ZBBX: variants seen among roughly 807,000 people sequenced by gnomAD.
ZBBX encodes zinc finger B-box domain containing, also known as zinc finger B-box domain-containing protein 1.
ZBBX carries 101 observed loss-of-function variants against 108.5 expected under a neutral mutation model. The observed-to-expected ratio is 0.93, with a 90% confidence interval of 0.79 to 1.10. ZBBX has a LOEUF of 1.10. ZBBX is among the 50% of genes least tolerant of loss of function. The probability of loss-of-function intolerance (pLI) is 0.00; values close to 1 mark genes in which losing one functional copy is unlikely to be tolerated. For missense variants in ZBBX, 1,009 were observed against 941.4 expected, an observed-to-expected ratio of 1.07 and a Z score of -0.94; for synonymous variants, 356 against 323.4, an observed-to-expected ratio of 1.10 and a Z score of -1.08.
At chr3:167,356,672 T>C (rs574282322) in intron 8 of ZBBX, among the ~76,000 whole-genome samples, 63 of 152,284 alleles carry the variant, frequency 4.1e-4, no homozygotes, top group African/African-American at 1.5e-3. Context: ...AAATAATTCA[T>C]TCATTAAATA....
chr3:167,328,988 T>C (rs1363685656), intron 10 of ZBBX, among the ~76,000 whole-genome samples: 2 of 152,220 alleles, frequency 1.3e-5, no homozygotes, highest in African/African-American at 4.8e-5. Context: ...GTTGTGGATT[T>C]TGTCTTTTTT....
Position 167,333,929 on chromosome 3 carries a change from A to G in ZBBX, c.585T>C (p.Asp195=), listed in dbSNP as rs760414818. 6.2e-7 allele frequency: 1 copy of G among 1,611,278 alleles called. No homozygotes were observed. The highest frequency in any genetic ancestry group is 8.5e-7 in the Non-Finnish European group (1 of 1,178,600). The stretch of plus-strand genomic sequence containing the variant: ...CCTCTTTGGGTTCATCTGGATTAAC[A>G]TCCTTTATAAACTGATGGGCAACAT... The part of the protein sequence containing the change: ...VLDVAHQFIK[D]VNPDEPKEEN... Residue 195 remains aspartate, a synonymous_variant, in exon 10 of 22, where the codon GAT becomes GAC. Coordinates refer to ENST00000675490, the MANE Select transcript of ZBBX (RefSeq NM_001199201.2).
intron 11 of ZBBX, among the ~76,000 whole-genome samples, chr3:167,327,091 G>T (rs1203577253): frequency 6.7e-6 from 1 of 150,172 alleles, no homozygotes; most frequent in Non-Finnish European, 1.5e-5. Flanking sequence ...TCAACATACT[G>T]TTCAGTCATC....
At chr3:167,289,033 C>T (rs1730202224) in intron 18 of ZBBX, 50 bp from the exon 19 acceptor site, 1 of 1,340,714 alleles carries the variant, frequency 7.5e-7, no homozygotes, top group Non-Finnish European at 1.0e-6. Context: ...AGAAGAAAAT[C>T]CATTTTATTA....
Position 167,242,532 on chromosome 3 carries a change from C to T in ZBBX, c.2366G>A (p.Arg789Lys). 1 of 1,612,678 alleles carries T rather than the reference C, an allele frequency of 6.2e-7. No individual in the cohort carries two copies. The highest frequency in any genetic ancestry group is 8.5e-7 in the Non-Finnish European group (1 of 1,179,358). ...CAATTCCTCAACTCCACAGGGACCC[C>T]TCACATGTGAGGTCTTAAGGAAATC... Reference protein sequence around the residue: ...STDFLKTSHVRGPCGVEELSC... With the variant: ...STDFLKTSHVKGPCGVEELSC... The change falls in exon 21 of 22, where the codon AGG becomes AAG. Residue 789 changes from arginine (R) to lysine (K), a missense_variant. Coordinates refer to ENST00000675490, the MANE Select transcript of ZBBX (RefSeq NM_001199201.2).
In ZBBX at chr3:167,295,765, AAC is replaced by A. The variant is rs1270441884; in HGVS notation, c.1879+2538_1879+2539del. Among the ~76,000 whole-genome samples the A allele has an allele frequency of 2.2e-4, 24 of 107,566 alleles. 2 individuals carry two copies. The highest frequency in any genetic ancestry group is 1.2e-3 in the East Asian group (4 of 3,246). The allele number at this position is 107,566 out of a possible 152,430, so 70.6% of individuals were successfully genotyped here. ...TATATATATATATATATATAAAAAA[AAC>A]TAGTAAGGAGATTAAATCTGTTAAC... is the stretch of plus-strand genomic sequence containing the variant. On this transcript the variant is annotated intron_variant, in intron 18 of 21. Coordinates refer to ENST00000675490, the MANE Select transcript of ZBBX (RefSeq NM_001199201.2).
the ZBBX span, among the ~76,000 whole-genome samples, chr3:167,217,332 G>C: frequency 6.6e-6 from 1 of 152,052 alleles, no homozygotes; most frequent in Non-Finnish European, 1.5e-5. Context: ...CTCAAAGGAA[G>C]ACATACATGA....
chr3:167,188,297 TA>T, the ZBBX span, among the ~76,000 whole-genome samples: 2 of 152,154 alleles, frequency 1.3e-5, no homozygotes, highest in African/African-American at 4.8e-5. Flanking sequence ...AATCTTCAGA[TA>T]AAAAAAGATA....
chr3:167,370,108 C>T (rs1195421637), intron 4 of ZBBX, among the ~76,000 whole-genome samples: 2 of 152,048 alleles, frequency 1.3e-5, no homozygotes, highest in African/African-American at 4.8e-5. Context: ...ATCACTCAGG[C>T]TGTATCAAAG....
chr3:167,240,931 T>C lies in ZBBX; in HGVS notation c.2394-12A>G. On this transcript the variant is annotated splice_polypyrimidine_tract_variant and intron_variant, in intron 21 of 21. Coordinates refer to ENST00000675490, the MANE Select transcript of ZBBX (RefSeq NM_001199201.2). ...CTCTTCCAGAACAGCTGAAAATACATAACAAGATCAATACACAATATACAG... is the reference window on the plus strand; with the variant it reads ...CTCTTCCAGAACAGCTGAAAATACACAACAAGATCAATACACAATATACAG... The C allele has an allele frequency of 1.2e-6, 2 of 1,611,912 alleles. No individual in the cohort carries two copies. Among genetic ancestry groups the C allele is most frequent in the Non-Finnish European group, 1.7e-6 (2 of 1,178,876 alleles).
At chr3:167,237,715 T>A (rs926127396), downstream of ZBBX, among the ~76,000 whole-genome samples, 1 of 151,978 alleles carries the variant, frequency 6.6e-6, no homozygotes. Context: ...TAGTCTACGC[T>A]GCCACAGAGG....
chr3:167,282,532 T>G (rs1728999327), intron 19 of ZBBX, 37 bp from the exon 20 acceptor site: 1 of 1,558,444 alleles, frequency 6.4e-7, no homozygotes, highest in Non-Finnish European at 8.7e-7. Context: ...AATCAACTTT[T>G]AAAAATTTGA....
At chr3:167,332,235 C>T in intron 10 of ZBBX, among the ~76,000 whole-genome samples, 1 of 151,678 alleles carries the variant, frequency 6.6e-6, no homozygotes, top group South Asian at 2.1e-4. Flanking sequence ...CAGTGACTCC[C>T]AACAAGAACA....
At chr3:167,213,576 C>A in the ZBBX span, among the ~76,000 whole-genome samples, 1 of 152,134 alleles carries the variant, frequency 6.6e-6, no homozygotes, top group Admixed American at 6.5e-5. Flanking sequence ...ATCACTGGCA[C>A]CCCTGAAAGG....
intron 9 of ZBBX, among the ~76,000 whole-genome samples, chr3:167,345,531 G>A (rs1217494310): frequency 2.6e-5 from 4 of 151,450 alleles, no homozygotes; most frequent in Non-Finnish European, 5.9e-5. Flanking sequence ...TTACATACCT[G>A]GACTCTAAAA....
intron 20 of ZBBX, among the ~76,000 whole-genome samples, chr3:167,264,134 T>A (rs930997761): frequency 1.3e-5 from 2 of 152,220 alleles, no homozygotes; most frequent in East Asian, 1.9e-4. Flanking sequence ...AGGCAACACA[T>A]CATTGGGCTT....
rs1560015094 is a variant in ZBBX, at chr3:167,244,067, T to C, written c.2255-1424A>G. On this transcript the variant is annotated intron_variant, in intron 20 of 21. Coordinates refer to ENST00000675490, the MANE Select transcript of ZBBX (RefSeq NM_001199201.2). The stretch of plus-strand genomic sequence containing the variant: ...AAAAGATTTTTTAGTTAAAATTTTT[T>C]AAACCTCCTAATTACTTCCATCTTC... Among the ~76,000 whole-genome samples, 3 of 152,240 alleles carry C rather than the reference T, an allele frequency of 2.0e-5. No individual in the cohort carries two copies. The South Asian group carries it at 6.2e-4, about 32-fold the overall frequency.
At chr3:167,382,311 A>C (rs1747781387), upstream of ZBBX, among the ~76,000 whole-genome samples, 2 of 152,222 alleles carry the variant, frequency 1.3e-5, no homozygotes, top group Non-Finnish European at 2.9e-5. Context: ...ATTAGTGACA[A>C]AATGAAATGA....
chr3:167,352,313 A>G (rs1045400168), intron 8 of ZBBX, among the ~76,000 whole-genome samples: 1 of 152,136 alleles, frequency 6.6e-6, no homozygotes, highest in East Asian at 1.9e-4. Flanking sequence ...ATTAAAACTG[A>G]TACCATAGAA....
Sources: gnomAD v4.1 joint callset for allele counts (sites outside exome capture counted in the v4.1 genomes callset) on GRCh38, gnomAD v4.1.1 for gene constraint, MANE v1.5 for transcripts, NCBI Gene and HGNC (gene_info 2026-07-23, HGNC 2026-07-21) for gene names.